UBE2N: variants seen among roughly 807,000 people sequenced by gnomAD.
The protein encoded by UBE2N is ubiquitin-conjugating enzyme E2 N.
For synonymous variants in UBE2N, 70 were observed against 69.2 expected (o/e 1.01, Z -0.06); for missense variants, 60 against 192.1 (o/e 0.31, Z 4.07).
intron 1 of UBE2N, among the ~76,000 whole-genome samples, chr12:93,413,891 G>A (rs1193000887): frequency 6.6e-6 from 1 of 152,246 alleles, no homozygotes; most frequent in Non-Finnish European, 1.5e-5. Flanking sequence ...GCCGGGTGCG[G>A]TGGCTCACGC....
intron 1 of UBE2N, among the ~76,000 whole-genome samples, chr12:93,418,198 C>CA (rs1229478626): frequency 1.3e-5 from 2 of 151,852 alleles, no homozygotes; most frequent in Non-Finnish European, 2.9e-5. Context: ...CTCTGCAAAC[C>CA]AAAAAACTAA....
chr12:93,429,486 C>G (rs1026425892), intron 1 of UBE2N, among the ~76,000 whole-genome samples: 8 of 151,006 alleles, frequency 5.3e-5, no homozygotes, highest in Non-Finnish European at 8.8e-5. Context: ...TATAATGGAA[C>G]TGAAAAATTC....
At chr12:93,414,182 G>A (rs1375966534) in intron 1 of UBE2N, among the ~76,000 whole-genome samples, 1 of 149,646 alleles carries the variant, frequency 6.7e-6, no homozygotes, top group Non-Finnish European at 1.5e-5. Context: ...GGGCATGGTG[G>A]CTCACACCTG....
chr12:93,430,607 C>A (rs983797868), intron 1 of UBE2N, among the ~76,000 whole-genome samples: 4 of 151,658 alleles, frequency 2.6e-5, no homozygotes, highest in African/African-American at 9.7e-5. Context: ...AAAGAGACTT[C>A]TGATTAAAAA....
chr12:93,437,178 GA>G (rs529180233), intron 1 of UBE2N, among the ~76,000 whole-genome samples: 4 of 146,800 alleles, frequency 2.7e-5, no homozygotes, highest in East Asian at 2.0e-4. Flanking sequence ...AGCCCTTTGA[GA>G]AAAAAAAAAG....
chr12:93,440,080 G>A (rs933715447), intron 1 of UBE2N, among the ~76,000 whole-genome samples: 1 of 152,092 alleles, frequency 6.6e-6, no homozygotes, highest in Non-Finnish European at 1.5e-5. Context: ...ATCAAAAATA[G>A]AAAAATGCGT....
At chr12:93,410,922 C>T in intron 2 of UBE2N, 48 bp from the exon 3 acceptor site, 1 of 1,613,914 alleles carries the variant, frequency 6.2e-7, no homozygotes, top group Non-Finnish European at 8.5e-7. Flanking sequence ...AAAAACAGGC[C>T]CAGAACTGCT....
At chr12:93,424,941 A>T (rs1878533912) in intron 1 of UBE2N, among the ~76,000 whole-genome samples, 1 of 152,250 alleles carries the variant, frequency 6.6e-6, no homozygotes, top group African/African-American at 2.4e-5. Flanking sequence ...AAACAAATAC[A>T]TAAATGAACT....
intron 1 of UBE2N, among the ~76,000 whole-genome samples, chr12:93,438,681 G>A (rs1480944123): frequency 6.6e-6 from 1 of 152,170 alleles, no homozygotes; most frequent in Non-Finnish European, 1.5e-5. Context: ...ACTAGCTGCT[G>A]CTCCAAAGTA....
intron 1 of UBE2N, among the ~76,000 whole-genome samples, chr12:93,429,585 C>T (rs1878697514): frequency 6.7e-6 from 1 of 150,088 alleles, no homozygotes; most frequent in Admixed American, 6.6e-5. Flanking sequence ...AAAAAGTTGA[C>T]TGTAAAACAG....
At chr12:93,419,103 C>G (rs1438651010) in intron 1 of UBE2N, among the ~76,000 whole-genome samples, 1 of 152,070 alleles carries the variant, frequency 6.6e-6, no homozygotes, top group Non-Finnish European at 1.5e-5. Flanking sequence ...AAATTCTATA[C>G]AAAAAGTAAT....
Position 93,407,953 on chromosome 12 carries a change from C to G in UBE2N, c.*2086G>C, listed in dbSNP as rs917114159. The G allele has an allele frequency of 2.6e-5, 4 of 152,244 alleles. No individual in the cohort carries two copies. Among genetic ancestry groups the G allele is most frequent in the African/African-American group, 9.6e-5 (4 of 41,472 alleles). The allele number at this position is 152,244 out of a possible 1,614,324, so 9.4% of individuals were successfully genotyped here. On this transcript the variant is annotated 3_prime_UTR_variant, in exon 4 of 4. Transcript: ENST00000318066. The stretch of plus-strand genomic sequence containing the variant: ...ATGATACCATGAAATTAGAAATTCA[C>G]TGCATTTGAAATGAAAATGACTTAT...
chr12:93,422,562 A>G (rs1878449668), intron 1 of UBE2N, among the ~76,000 whole-genome samples: 1 of 152,196 alleles, frequency 6.6e-6, no homozygotes, highest in African/African-American at 2.4e-5. Context: ...GTGAGGTAGG[A>G]AATGTTCTTC....
intron 1 of UBE2N, among the ~76,000 whole-genome samples, chr12:93,432,458 A>G (rs1169313306): frequency 6.6e-6 from 1 of 150,562 alleles, no homozygotes; most frequent in Non-Finnish European, 1.5e-5. Context: ...ATGGTAATCT[A>G]GTTGTCTTTA....
intron 1 of UBE2N, among the ~76,000 whole-genome samples, chr12:93,425,475 C>T (rs996411940): frequency 1.6e-4 from 24 of 152,228 alleles, no homozygotes; most frequent in Middle Eastern, 3.4e-3. Context: ...ACTGTCTCTC[C>T]AACTAAACTA....
At chr12:93,411,416 A>T (rs914317560) in intron 1 of UBE2N, 117 bp from the exon 2 acceptor site, 1 of 1,397,700 alleles carries the variant, frequency 7.2e-7, no homozygotes, top group East Asian at 2.3e-5. Flanking sequence ...CCAATCTCCC[A>T]ACAGATTTAG....
At chr12:93,427,095 T>A (rs1001645964) in intron 1 of UBE2N, among the ~76,000 whole-genome samples, 10 of 152,132 alleles carry the variant, frequency 6.6e-5, no homozygotes, top group Non-Finnish European at 1.3e-4. Context: ...AATTTTTGTA[T>A]TTTTAGTAGA....
chr12:93,409,848 C>G lies in UBE2N; in HGVS notation c.*191G>C. 1 of 619,274 alleles carries G rather than the reference C, an allele frequency of 1.6e-6. No individual in the cohort carries two copies. Among genetic ancestry groups the G allele is most frequent in the Non-Finnish European group, 2.9e-6 (1 of 346,362 alleles). 38.4% of individuals were successfully genotyped at this position (619,274 alleles called of 1,614,324 possible). ...ATCCAGATGATACTTCTAGCCTCTGCTCATGCTTTATGACAGTGAATCAGG... is the reference window on the plus strand; with the variant it reads ...ATCCAGATGATACTTCTAGCCTCTGGTCATGCTTTATGACAGTGAATCAGG... On this transcript the variant is annotated 3_prime_UTR_variant, in exon 4 of 4. Coordinates refer to ENST00000318066, the MANE Select transcript of UBE2N (RefSeq NM_003348.4).
chr12:93,419,234 T>C (rs112598346), intron 1 of UBE2N, among the ~76,000 whole-genome samples: 11 of 152,078 alleles, frequency 7.2e-5, no homozygotes, highest in Admixed American at 4.6e-4. Context: ...CTACTAAAAA[T>C]ATAAAATTAG....
Sources: allele counts gnomAD v4.1 joint callset (sites outside exome capture counted in the v4.1 genomes callset), GRCh38; gene constraint gnomAD v4.1.1; transcripts MANE v1.5; gene names NCBI Gene and HGNC (gene_info 2026-07-23, HGNC 2026-07-21).